Variants in ZIM2 observed in about 807,000 individuals in gnomAD.
ZIM2 encodes zinc finger protein 656.
A neutral mutation model predicts 38.6 loss-of-function variants in ZIM2; 14 were observed. The observed-to-expected ratio is 0.36, with a 90% confidence interval of 0.24 to 0.57. The LOEUF is 0.57. Among genes scored for constraint, ZIM2 ranks in the 20% least tolerant of loss-of-function variants. ZIM2 has a pLI of 0.81. For synonymous variants in ZIM2, 247 were observed against 245.8 expected, an observed-to-expected ratio of 1.00 and a Z score of -0.04; for missense variants, 680 against 695.1, an observed-to-expected ratio of 0.98 and a Z score of 0.24.
intron 3 of ZIM2, among the ~76,000 whole-genome samples, chr19:56,825,225 TCTTCC>T (rs1483684417): frequency 2.0e-5 from 3 of 152,222 alleles, no homozygotes; most frequent in Non-Finnish European, 4.4e-5. Context: ...CCCTAACATT[TCTTCC>T]CTTAACACAA....
intron 9 of ZIM2, among the ~76,000 whole-genome samples, chr19:56,794,588 A>G (rs1053390928): frequency 6.6e-6 from 1 of 152,222 alleles, no homozygotes; most frequent in Admixed American, 6.5e-5. Flanking sequence ...TCTTGACACA[A>G]TCTGCCAAAT....
chr19:56,791,823 C>G lies in ZIM2; in HGVS notation c.491-1872G>C, dbSNP rs146178763. On this transcript the variant is annotated intron_variant, in intron 9 of 12. Coordinates refer to ENST00000629319, the MANE Select transcript of ZIM2 (RefSeq NM_001387356.1). ...CTTGAAATGCCTCCTTAGCTCTAAT[C>G]TAATAACTTGAGTTTCTAAGATACC... Among the ~76,000 whole-genome samples, 959 of 152,242 alleles carry G rather than the reference C, an allele frequency of 6.3e-3. 5 individuals carry two copies. The highest frequency in any genetic ancestry group is 0.022 in the African/African-American group (910 of 41,538).
chr19:56,797,317 CAAATAAATAAATAAAT>C (rs924207662), intron 9 of ZIM2, among the ~76,000 whole-genome samples: 1 of 150,006 alleles, frequency 6.7e-6, no homozygotes, highest in Non-Finnish European at 1.5e-5. Flanking sequence ...AATAAATAAA[CAAATAAATAAATAAAT>C]AAGCTGTGAC....
At chr19:56,825,854 T>C (rs1162466955) in intron 3 of ZIM2, among the ~76,000 whole-genome samples, 1 of 152,218 alleles carries the variant, frequency 6.6e-6, no homozygotes, top group Non-Finnish European at 1.5e-5. Flanking sequence ...GGTGTTTCCA[T>C]TATTCAGAGT....
chr19:56,796,887 G>T (rs902596193), intron 9 of ZIM2, among the ~76,000 whole-genome samples: 1 of 152,200 alleles, frequency 6.6e-6, no homozygotes, highest in Non-Finnish European at 1.5e-5. Context: ...AAAGCAAGCA[G>T]ACAAACACAC....
rs2059694522 is a variant in ZIM2, at chr19:56,813,634, C to G, written c.490+4112G>C. Reference sequence around the variant, plus strand: ...GGATTCTCTGTGGTTTGGTAAGGGTCAAGTCCTAGGTGAAGGTTTTCTAAC... The same window carrying G: ...GGATTCTCTGTGGTTTGGTAAGGGTGAAGTCCTAGGTGAAGGTTTTCTAAC... On this transcript the variant is annotated intron_variant, in intron 9 of 12. Coordinates refer to ENST00000629319, the MANE Select transcript of ZIM2 (RefSeq NM_001387356.1). The G allele has an allele frequency of 2.5e-6, 4 of 1,573,976 alleles. No individual in the cohort carries two copies. In the East Asian group the frequency reaches 9.0e-5, roughly 35 times the overall value.
chr19:56,818,682 ATT>A lies in ZIM2; in HGVS notation c.313_314del (p.Asn105CysfsTer6). The A allele has an allele frequency of 3.7e-6, 6 of 1,614,144 alleles. No homozygotes were observed. Among genetic ancestry groups the A allele is most frequent in the Non-Finnish European group, 5.1e-6 (6 of 1,180,016 alleles). On this transcript the variant is annotated frameshift_variant, in exon 8 of 13. Coordinates refer to ENST00000629319, the MANE Select transcript of ZIM2 (RefSeq NM_001387356.1). LOFTEE classifies it high-confidence loss of function. ...TCCTGTCCTCAGCGAGGTCCACCAC[ATT>A]TTGGTATGATTCAGCATCCTAAAAC... The part of the protein sequence containing the change: ...SRSQDAESYQ[N>X]VVDLAEDRKP...
intron 1 of ZIM2, among the ~76,000 whole-genome samples, chr19:56,838,722 C>G (rs987261052): frequency 5.3e-5 from 8 of 152,338 alleles, no homozygotes; most frequent in Admixed American, 4.6e-4. Context: ...CCGGCTCCCC[C>G]AGATGCGGGG....
intron 1 of ZIM2, among the ~76,000 whole-genome samples, chr19:56,838,785 A>AG (rs941869340): frequency 2.4e-4 from 37 of 152,320 alleles, no homozygotes; most frequent in African/African-American, 8.4e-4. Flanking sequence ...ACACAGCCCA[A>AG]GGAGCGCGGC....
chr19:56,821,422 T>G (rs1257415844), intron 7 of ZIM2, among the ~76,000 whole-genome samples: 1 of 152,084 alleles, frequency 6.6e-6, no homozygotes, highest in East Asian at 1.9e-4. Context: ...GTGACACACA[T>G]GCTGAGGGGG....
chr19:56,832,083 T>C (rs551772907), intron 2 of ZIM2, among the ~76,000 whole-genome samples: 1 of 152,306 alleles, frequency 6.6e-6, no homozygotes, highest in South Asian at 2.1e-4. Context: ...ATAGAGGAAA[T>C]CTATCAGAAT....
At chr19:56,806,217 T>C (rs1022497728) in intron 9 of ZIM2, among the ~76,000 whole-genome samples, 17 of 152,252 alleles carry the variant, frequency 1.1e-4, no homozygotes, top group African/African-American at 4.1e-4. Flanking sequence ...GTTTCATTCC[T>C]GTAATGAAGA....
At chr19:56,837,682 T>G (rs998691581) in intron 1 of ZIM2, among the ~76,000 whole-genome samples, 1 of 152,150 alleles carries the variant, frequency 6.6e-6, no homozygotes, top group Non-Finnish European at 1.5e-5. Context: ...AAGGCTCCAG[T>G]GCAGGCCCCA....
chr19:56,775,047 C>G lies in ZIM2; in HGVS notation c.1318G>C (p.Glu440Gln). ...LCERVRIHSQ[E>Q]DYFECFQCGK... is the part of the protein sequence containing the mutation. ...CACTGAAAACATTCAAAGTAGTCCT[C>G]CTGACTGTGAATTCTTACACGTTCA... is the stretch of plus-strand genomic sequence containing the variant. Residue 440 changes from glutamate to glutamine, a missense_variant, in exon 13 of 13, where the codon GAG becomes CAG. Glu to Gln is a conservative substitution (Grantham distance 29, BLOSUM62 2). Transcript: ENST00000629319. The G allele has an allele frequency of 6.2e-7, 1 of 1,614,136 alleles. No homozygotes were observed. The highest frequency in any genetic ancestry group is 8.5e-7 in the Non-Finnish European group (1 of 1,180,028).
intron 10 of ZIM2, among the ~76,000 whole-genome samples, chr19:56,783,760 G>A (rs1389967941): frequency 6.6e-6 from 1 of 152,094 alleles, no homozygotes; most frequent in African/African-American, 2.4e-5. Context: ...ACTCATTCAT[G>A]CTCCAAATCT....
Position 56,824,288 on chromosome 19 carries a change from T to C in ZIM2, c.-11A>G, listed in dbSNP as rs899347469. 1 of 1,613,942 alleles carries C rather than the reference T, an allele frequency of 6.2e-7. No individual in the cohort carries two copies. Among genetic ancestry groups the C allele is most frequent in the African/African-American group, 1.3e-5 (1 of 74,894 alleles). On this transcript the variant is annotated 5_prime_UTR_variant, in exon 4 of 13. Coordinates refer to ENST00000629319, the MANE Select transcript of ZIM2 (RefSeq NM_001387356.1). ...TTCTGGTTGGTACATCTCCTTGTAA[T>C]TCTCCAGCAGAGTGACGAGCTTCTC...
chr19:56,811,456 C>A, intron 9 of ZIM2: 2 of 961,558 alleles, frequency 2.1e-6, no homozygotes, highest in Non-Finnish European at 2.5e-6. Flanking sequence ...TCGTGATTAT[C>A]ATTTTTAAAC....
intron 9 of ZIM2, among the ~76,000 whole-genome samples, chr19:56,800,051 A>T (rs2047434842): frequency 6.6e-6 from 1 of 152,218 alleles, no homozygotes; most frequent in Non-Finnish European, 1.5e-5. Flanking sequence ...CTGATTGATG[A>T]GGAGCAAGAG....
intron 12 of ZIM2, among the ~76,000 whole-genome samples, chr19:56,778,043 A>G (rs757763134): frequency 6.6e-6 from 1 of 152,152 alleles, no homozygotes; most frequent in Admixed American, 6.5e-5. Context: ...ATCTCATTCA[A>G]GTCTTCCACA....
Sources: gnomAD v4.1 joint callset for allele counts (sites outside exome capture counted in the v4.1 genomes callset) on GRCh38, gnomAD v4.1.1 for gene constraint, MANE v1.5 for transcripts, NCBI Gene and HGNC (gene_info 2026-07-23, HGNC 2026-07-21) for gene names.